Variants in PUDP observed in about 807,000 individuals in gnomAD.
PUDP encodes pseudouridine-5'-phosphatase.
In PUDP, 8 loss-of-function variants were observed where a neutral mutation model predicts 9.4. The ratio of observed to expected loss-of-function variants is 0.85; its 90% CI spans 0.50 to 1.53. The LOEUF is 1.53. Ranked by LOEUF, PUDP falls within the 40% of genes most tolerant of loss-of-function variation. PUDP has a pLI of 0.00. For synonymous variants in PUDP, 99 were observed against 80.7 expected (o/e 1.23, Z -1.22); for missense variants, 188 against 189.7 (o/e 0.99, Z 0.05).
intron 3 of PUDP, among the ~76,000 whole-genome samples, chrX:6,910,968 G>C (rs1472030700): frequency 9.0e-6 from 1 of 111,470 alleles, no homozygotes; most frequent in Non-Finnish European, 1.9e-5. Flanking sequence ...TCATTCATAA[G>C]AGCTGGCTGC....
intron 1 of PUDP, among the ~76,000 whole-genome samples, chrX:7,042,057 T>C (rs1444501237): frequency 9.2e-6 from 1 of 108,376 alleles, no homozygotes. Context: ...TCCATGTTCA[T>C]GTAATTGTCT....
chrX:6,853,856 T>C (rs1007824619), intron 3 of PUDP, among the ~76,000 whole-genome samples: 1 of 111,315 alleles, frequency 9.0e-6, no homozygotes, highest in African/African-American at 3.3e-5. Flanking sequence ...CTCCCCTTCC[T>C]GGGCTCAAGT....
chrX:6,954,784 G>A (rs1355794257), intron 3 of PUDP, among the ~76,000 whole-genome samples: 1 of 112,233 alleles, frequency 8.9e-6, no homozygotes, highest in Non-Finnish European at 1.9e-5. Flanking sequence ...GGAGTCATGG[G>A]CAGTGTTGCT....
At chrX:6,756,337 T>G (rs1925169049) in intron 3 of PUDP, among the ~76,000 whole-genome samples, 1 of 112,226 alleles carries the variant, frequency 8.9e-6, no homozygotes, top group Non-Finnish European at 1.9e-5. Context: ...TAAATGTCCA[T>G]CAACTGATAA....
At chrX:6,818,946 T>C (rs186482181) in intron 3 of PUDP, among the ~76,000 whole-genome samples, 52 of 112,221 alleles carry the variant, frequency 4.6e-4, no homozygotes, top group African/African-American at 1.7e-3. Flanking sequence ...TAGTTCAAAA[T>C]GTTGAAGAAA....
chrX:6,797,304 GC>G (rs1373555794), intron 3 of PUDP, among the ~76,000 whole-genome samples: 1 of 111,373 alleles, frequency 9.0e-6, no homozygotes, highest in Non-Finnish European at 1.9e-5. Context: ...CCTCTAAAAT[GC>G]CCCCCAACAG....
rs540402967 is a variant in PUDP, at chrX:7,017,806, G to A, written c.205-39463C>T. On this transcript the variant is annotated intron_variant and NMD_transcript_variant, in intron 1 of 3. Coordinates refer to the PUDP transcript ENST00000655425. ...CAGAGCAACTGCATCTTGAATAGGA[G>A]CAGGGTAAAATGAGGCTGAGACCTA... Among the ~76,000 whole-genome samples, 41 of 112,204 alleles carry A rather than the reference G, an allele frequency of 3.7e-4. No homozygotes were observed. In the East Asian group the frequency reaches 7.5e-3, roughly 21 times the overall value.
chrX:7,063,340 C>T (rs920743644), intron 3 of PUDP, among the ~76,000 whole-genome samples: 1 of 111,917 alleles, frequency 8.9e-6, no homozygotes, highest in Non-Finnish European at 1.9e-5. Context: ...GGAACAAAAA[C>T]ATCACAAACA....
chrX:7,012,200 G>A (rs997923470), intron 1 of PUDP, among the ~76,000 whole-genome samples: 2 of 111,802 alleles, frequency 1.8e-5, no homozygotes, highest in African/African-American at 6.5e-5. Flanking sequence ...GAGAAAATGG[G>A]GATAATAGAT....
intron 3 of PUDP, among the ~76,000 whole-genome samples, chrX:6,833,298 GGGATGGAC>G (rs1926532791): frequency 9.0e-6 from 1 of 111,579 alleles, no homozygotes; most frequent in South Asian, 3.7e-4. Context: ...ATGGATGGAT[GGGATGGAC>G]GGATGGACAA....
At chrX:6,717,227 C>T (rs1160893576) in intron 1 of PUDP, among the ~76,000 whole-genome samples, 1 of 111,520 alleles carries the variant, frequency 9.0e-6, no homozygotes, top group Non-Finnish European at 1.9e-5. Flanking sequence ...AATATGCTTC[C>T]ACCTTTGATG....
At chrX:6,871,024 A>G (rs1190994320) in intron 3 of PUDP, among the ~76,000 whole-genome samples, 5 of 111,642 alleles carry the variant, frequency 4.5e-5, no homozygotes, top group African/African-American at 1.6e-4. Flanking sequence ...TTTTATAGAG[A>G]CCTGGTCTTG....
intron 3 of PUDP, among the ~76,000 whole-genome samples, chrX:6,952,748 G>A (rs1171086974): frequency 9.0e-6 from 1 of 111,059 alleles, no homozygotes; most frequent in Non-Finnish European, 1.9e-5. Context: ...CCCCCCTTTT[G>A]CCCTTCCACC....
intron 3 of PUDP, among the ~76,000 whole-genome samples, chrX:6,893,808 T>C (rs910192146): frequency 5.4e-5 from 6 of 111,864 alleles, no homozygotes; most frequent in Admixed American, 9.6e-5. Flanking sequence ...TGTATGTTCA[T>C]TGCAACACTA....
intron 1 of PUDP, among the ~76,000 whole-genome samples, chrX:7,126,726 C>A (rs1932495097): frequency 9.0e-6 from 1 of 111,539 alleles, no homozygotes; most frequent in African/African-American, 3.3e-5. Context: ...TAGTCACATT[C>A]TGAGGTCCTG....
rs373339761 is a variant in PUDP, at chrX:7,050,275, G to T, written c.*21C>A. The T allele has an allele frequency of 6.7e-6, 8 of 1,199,345 alleles. No homozygotes were observed. Among genetic ancestry groups the T allele is most frequent in the Non-Finnish European group, 9.0e-6 (8 of 887,483 alleles). On this transcript the variant is annotated 3_prime_UTR_variant, in exon 4 of 4. Coordinates refer to ENST00000381077, the MANE Select transcript of PUDP (RefSeq NM_012080.5). ...TGGACCATGAGAGTGGGCTGGGGGC[G>T]GAAGACTGAGGCCCTCCCTCTCACT... is the stretch of plus-strand genomic sequence containing the variant.
intron 1 of PUDP, among the ~76,000 whole-genome samples, chrX:7,019,659 T>C (rs1180634490): frequency 8.9e-6 from 1 of 111,913 alleles, no homozygotes; most frequent in Non-Finnish European, 1.9e-5. Flanking sequence ...CTTCCTCCCA[T>C]AGCCTGTGTT....
chrX:7,061,844 C>A (rs1301648213), intron 3 of PUDP, among the ~76,000 whole-genome samples: 1 of 111,612 alleles, frequency 9.0e-6, no homozygotes, highest in Non-Finnish European at 1.9e-5. Context: ...GCAGATGGGA[C>A]ATGCTCCGTC....
In PUDP at chrX:7,008,834, T is replaced by A. The variant is rs770297388; in HGVS notation, c.205-30491A>T. ...TGAAAATAGCATTTGGAGCAGTAAG[T>A]TTAAAAAATTTAGAAGGACTAAAAC... On this transcript the variant is annotated intron_variant and NMD_transcript_variant, in intron 1 of 3. Transcript: ENST00000655425. Among the ~76,000 whole-genome samples the A allele has an allele frequency of 6.8e-4, 76 of 112,401 alleles. 1 individual carries two copies. Among genetic ancestry groups the A allele is most frequent in the African/African-American group, 2.3e-3 (71 of 30,915 alleles).
Sources: gnomAD v4.1 joint callset for allele counts (sites outside exome capture counted in the v4.1 genomes callset) on GRCh38, gnomAD v4.1.1 for gene constraint, MANE v1.5 for transcripts, NCBI Gene and HGNC (gene_info 2026-07-23, HGNC 2026-07-21) for gene names.